Variants in MYH16 observed in about 807,000 individuals in gnomAD.
MYH16 encodes myosin heavy chain 16, also known as putative uncharacterized protein MYH16.
At chr7:99,240,786 G>T (rs1165008810) in intron 1 of MYH16, among the ~76,000 whole-genome samples, 4 of 151,466 alleles carry the variant, frequency 2.6e-5, no homozygotes, top group African/African-American at 9.7e-5. Flanking sequence ...GCTGCAGTGA[G>T]CTAGGATTGC....
At chr7:99,284,975 A>G in intron 26 of MYH16, 40 bp downstream of exon 8, 2 of 456,158 alleles carry the variant, frequency 4.4e-6, no homozygotes, top group Non-Finnish European at 4.4e-6. Context: ...TCTGTCAGAA[A>G]TGCACTTCTC....
At chr7:99,259,988 C>G (rs993326649) in intron 11 of MYH16, among the ~76,000 whole-genome samples, 1 of 151,866 alleles carries the variant, frequency 6.6e-6, no homozygotes, top group Non-Finnish European at 1.5e-5. Flanking sequence ...GGGGAGGGAA[C>G]AGAGAGCTAC....
At chr7:99,249,585 T>G (rs6948838) in intron 4 of MYH16, among the ~76,000 whole-genome samples, 76,197 of 113,594 alleles carry the variant, frequency 0.67, 27,350 homozygotes, top group Non-Finnish European at 0.81. Flanking sequence ...TTTTTTTTTT[T>G]TTTTTTTTTT....
At chr7:99,246,895 C>T (rs559894365) in intron 2 of MYH16, among the ~76,000 whole-genome samples, 4 of 152,164 alleles carry the variant, frequency 2.6e-5, no homozygotes, top group East Asian at 1.9e-4. Flanking sequence ...TTAATGATTT[C>T]CAACTTTACG....
chr7:99,281,248 C>T (rs773613729), intron 23 of MYH16, among the ~76,000 whole-genome samples: 5 of 152,190 alleles, frequency 3.3e-5, no homozygotes, highest in South Asian at 2.1e-4. Flanking sequence ...TGAGAGCAAG[C>T]GGGGGAGCTA....
At chr7:99,241,209 A>G (rs1381538734) in intron 1 of MYH16, among the ~76,000 whole-genome samples, 1 of 152,222 alleles carries the variant, frequency 6.6e-6, no homozygotes, top group Non-Finnish European at 1.5e-5. Context: ...CAAGTTCTCC[A>G]TTCCTCTGCT....
chr7:99,277,475 C>A (rs1408878444), intron 20 of MYH16, 64 bp from the exon 3 acceptor site: 1 of 415,406 alleles, frequency 2.4e-6, no homozygotes, highest in Non-Finnish European at 4.9e-6. Context: ...GACTCCACAG[C>A]CCTCCGTCTA....
intron 4 of MYH16, among the ~76,000 whole-genome samples, chr7:99,249,204 C>A (rs1321909470): frequency 6.6e-6 from 1 of 152,094 alleles, no homozygotes; most frequent in Non-Finnish European, 1.5e-5. Context: ...CCCAGGACCT[C>A]CCCACCTGCC....
At chr7:99,262,460 C>T (rs1234722025) in intron 13 of MYH16, among the ~76,000 whole-genome samples, 1 of 152,210 alleles carries the variant, frequency 6.6e-6, no homozygotes, top group African/African-American at 2.4e-5. Flanking sequence ...GCTCTCCATC[C>T]CCTCTTCCCA....
chr7:99,260,302 G>A (rs1021736544), exon 12 of MYH16: 56 of 1,491,066 alleles, frequency 3.8e-5, no homozygotes, highest in Admixed American at 5.1e-5. Context: ...CTTTGGCCTC[G>A]ACCTTCAGGC....
At chr7:99,287,663 G>T in intron 28 of MYH16, 1 of 340,170 alleles carries the variant, frequency 2.9e-6, no homozygotes, top group Non-Finnish European at 5.8e-6. Flanking sequence ...AGGTACCCAG[G>T]GTTAGGACTT....
chr7:99,241,859 G>GTTTTTTTTTTTT (rs71930898), intron 1 of MYH16, among the ~76,000 whole-genome samples: 1 of 146,546 alleles, frequency 6.8e-6, no homozygotes, highest in Non-Finnish European at 1.5e-5. Context: ...GCTGGCACTA[G>GTTTTTTTTTTTT]TTTTTTTTTT....
In MYH16 at chr7:99,280,115, T is replaced by C. The variant is rs758828495; in HGVS notation, n.2887+378T>C. On this transcript the variant is annotated intron_variant and non_coding_transcript_variant, in intron 22 of 41. Coordinates refer to ENST00000439784, the Ensembl canonical transcript of MYH16. ...CTTGAACGCCTCACCTCAGGTGATC[T>C]GCCTGTCTTGGCCTCCCAAAGTGCT... 8.5e-5 allele frequency among the ~76,000 whole-genome samples: 13 copies of C among 152,344 alleles called. No individual in the cohort carries two copies. In the East Asian group the frequency reaches 2.3e-3, roughly 27 times the overall value.
intron 2 of MYH16, among the ~76,000 whole-genome samples, chr7:99,246,206 TAAA>T (rs111736161): frequency 9.9e-6 from 1 of 100,626 alleles, no homozygotes; most frequent in Non-Finnish European, 2.1e-5. Context: ...GCTCTGTCTC[TAAA>T]AAAAAAAAAA....
chr7:99,307,059 G>A (rs186972323), downstream of MYH16, among the ~76,000 whole-genome samples: 28 of 152,286 alleles, frequency 1.8e-4, no homozygotes, highest in African/African-American at 6.7e-4. Flanking sequence ...GTGGGGTGCT[G>A]TTCACCTGTA....
At chr7:99,307,652 A>C (rs941220115), downstream of MYH16, among the ~76,000 whole-genome samples, 6 of 152,140 alleles carry the variant, frequency 3.9e-5, no homozygotes, top group East Asian at 7.7e-4. Flanking sequence ...TGAGCCCAGG[A>C]GTCTGAGGTT....
At chr7:99,283,962 C>T (rs1457540146) in exon 25 of MYH16, 5 of 456,592 alleles carry the variant, frequency 1.1e-5, no homozygotes, top group South Asian at 3.1e-5. Flanking sequence ...AGATGACCAT[C>T]GACAACCTCA....
intron 41 of MYH16, among the ~76,000 whole-genome samples, chr7:99,306,388 C>T (rs1294161538): frequency 1.3e-5 from 2 of 151,950 alleles, no homozygotes; most frequent in Non-Finnish European, 2.9e-5. Flanking sequence ...ATTAGTCAGG[C>T]GTGGTGGCGG....
intron 22 of MYH16, among the ~76,000 whole-genome samples, chr7:99,280,532 GGGTA>G (rs1792187603): frequency 6.6e-6 from 1 of 152,230 alleles, no homozygotes; most frequent in African/African-American, 2.4e-5. Context: ...TTCTCGAGCA[GGGTA>G]AGCAGGGGCT....
Sources: gnomAD v4.1 joint callset for allele counts (sites outside exome capture counted in the v4.1 genomes callset) on GRCh38, gnomAD v4.1.1 for gene constraint, MANE v1.5 for transcripts, NCBI Gene and HGNC (gene_info 2026-07-23, HGNC 2026-07-21) for gene names.